Variants in DPP6 observed in about 807,000 individuals in gnomAD.
DPP6 encodes dipeptidyl peptidase like 6.
A neutral mutation model predicts 122.6 loss-of-function variants in DPP6; 69 were observed. That is an observed-to-expected ratio of 0.56 (90% CI 0.46 to 0.69). The LOEUF (loss-of-function observed/expected upper bound fraction) is 0.69. DPP6 is among the 30% of genes least tolerant of loss of function. The pLI is 0.00. For missense variants in DPP6, 928 were observed against 1,116.9 expected (o/e 0.83, Z 2.41); for synonymous variants, 418 against 433.1 (o/e 0.97, Z 0.43).
At chr7:154,013,454 TTTTC>T (rs1563100269) in intron 1 of DPP6, among the ~76,000 whole-genome samples, 1 of 136,344 alleles carries the variant, frequency 7.3e-6, no homozygotes, top group Non-Finnish European at 1.5e-5. Flanking sequence ...CTCAGGTTTC[TTTTC>T]TTTTTTTTTT....
chr7:154,540,997 C>G (rs971520478), intron 4 of DPP6, among the ~76,000 whole-genome samples: 29 of 152,200 alleles, frequency 1.9e-4, no homozygotes, highest in African/African-American at 7.0e-4. Flanking sequence ...TCTCCGCATG[C>G]ATAGGAAGTA....
chr7:154,474,272 C>A (rs1822534923), intron 2 of DPP6, among the ~76,000 whole-genome samples: 1 of 152,148 alleles, frequency 6.6e-6, no homozygotes, highest in Non-Finnish European at 1.5e-5. Context: ...AAAGTCTCAC[C>A]CACTGACGCC....
the DPP6 span, among the ~76,000 whole-genome samples, chr7:153,875,629 TATC>T: frequency 6.6e-6 from 1 of 152,076 alleles, no homozygotes; most frequent in South Asian, 2.1e-4. Flanking sequence ...TTAATATGAT[TATC>T]AATATAAGAT....
Position 154,053,047 on chromosome 7 carries a change from A to G in DPP6, c.227A>G (p.Asp76Gly), listed in dbSNP as rs572667303. ...CGGTTCCAGTACCAGGCGCGGAGCG[A>G]TGGTGACGAGGAGGACGTAAGAGCT... ...RPRFQYQARS[D>G]GDEEDELVGS... Residue 76 changes from aspartate (D) to glycine (G), a missense_variant, in exon 1 of 26, where the codon GAT becomes GGT. By Grantham distance (94) the Asp-to-Gly change is moderately conservative. Coordinates refer to ENST00000377770, the MANE Select transcript of DPP6 (RefSeq NM_130797.4). 9.5e-6 allele frequency: 10 copies of G among 1,052,346 alleles called. No homozygotes were observed. Among genetic ancestry groups the G allele is most frequent in the Non-Finnish European group, 1.1e-5 (10 of 872,694 alleles). The allele number at this position is 1,052,346 out of a possible 1,614,324, so 65.2% of individuals were successfully genotyped here. A position where few individuals can be genotyped will look rare whatever the true frequency, so the allele number is the denominator to read the frequency against.
At chr7:154,685,229 G>A (rs1470642571) in intron 7 of DPP6, among the ~76,000 whole-genome samples, 1 of 152,212 alleles carries the variant, frequency 6.6e-6, no homozygotes, top group African/African-American at 2.4e-5. Context: ...TTCCCAGTGA[G>A]GTGGCAGAGT....
chr7:154,637,795 C>T (rs1361170414), intron 5 of DPP6, 26 bp from the exon 6 acceptor site: 2 of 1,556,494 alleles, frequency 1.3e-6, no homozygotes, highest in East Asian at 4.7e-5. Flanking sequence ...TCAATGCCTA[C>T]CTTTTTTCCT....
chr7:153,820,085 A>G, the DPP6 span, among the ~76,000 whole-genome samples: 3 of 152,200 alleles, frequency 2.0e-5, no homozygotes, highest in Non-Finnish European at 4.4e-5. Context: ...AATATTTTAA[A>G]TGTTTTTAAT....
intron 3 of DPP6, among the ~76,000 whole-genome samples, chr7:154,528,795 G>A (rs912905235): frequency 1.3e-5 from 2 of 152,200 alleles, no homozygotes; most frequent in African/African-American, 4.8e-5. Flanking sequence ...ACTGTACAAG[G>A]GAGTTGGCCT....
chr7:154,609,376 T>C (rs1014561175), intron 5 of DPP6, among the ~76,000 whole-genome samples: 6 of 152,250 alleles, frequency 3.9e-5, no homozygotes, highest in African/African-American at 1.4e-4. Context: ...AGTCATCACA[T>C]CTAAGATGCA....
chr7:154,297,776 T>C (rs1198758850), intron 1 of DPP6, among the ~76,000 whole-genome samples: 3 of 152,174 alleles, frequency 2.0e-5, no homozygotes, highest in Non-Finnish European at 4.4e-5. Flanking sequence ...CACGAAGGGT[T>C]TGGTCTCATG....
the DPP6 span, among the ~76,000 whole-genome samples, chr7:153,811,008 G>A: frequency 3.3e-5 from 5 of 151,668 alleles, no homozygotes; most frequent in African/African-American, 4.9e-5. Flanking sequence ...AACACACAGC[G>A]GCAAACAGGA....
At chr7:154,036,905 C>A (rs1293062470) in intron 1 of DPP6, among the ~76,000 whole-genome samples, 3 of 152,130 alleles carry the variant, frequency 2.0e-5, no homozygotes, top group African/African-American at 7.2e-5. Context: ...ATCTACAGAC[C>A]CAGCAGGCAC....
intron 1 of DPP6, among the ~76,000 whole-genome samples, chr7:154,320,607 C>T (rs1382060956): frequency 6.6e-6 from 1 of 152,200 alleles, no homozygotes; most frequent in Non-Finnish European, 1.5e-5. Context: ...GCCTCAGCCT[C>T]CCTAGTAGCT....
intron 3 of DPP6, among the ~76,000 whole-genome samples, chr7:154,482,905 C>G (rs915438269): frequency 2.6e-5 from 4 of 152,106 alleles, no homozygotes; most frequent in Non-Finnish European, 5.9e-5. Context: ...TGGTGATTCT[C>G]TATTCTTGAC....
chr7:153,801,726 G>A, the DPP6 span, among the ~76,000 whole-genome samples: 10 of 152,146 alleles, frequency 6.6e-5, no homozygotes, highest in African/African-American at 1.2e-4. Flanking sequence ...TTTGGAGGAC[G>A]TGGAAAACCG....
chr7:154,450,042 A>C (rs1357219650), intron 2 of DPP6, among the ~76,000 whole-genome samples: 1 of 151,314 alleles, frequency 6.6e-6, no homozygotes, highest in East Asian at 1.9e-4. Flanking sequence ...ATAAATAAAT[A>C]AATAAATAAA....
chr7:154,039,285 A>G (rs1319055304), intron 1 of DPP6, among the ~76,000 whole-genome samples: 2 of 147,838 alleles, frequency 1.4e-5, no homozygotes, highest in Non-Finnish European at 2.9e-5. Flanking sequence ...ACAGGAAAAT[A>G]TGCCTTTTTG....
chr7:154,534,379 G>A (rs1388767458), intron 3 of DPP6, among the ~76,000 whole-genome samples: 1 of 152,046 alleles, frequency 6.6e-6, no homozygotes, highest in Non-Finnish European at 1.5e-5. Flanking sequence ...TAAAGGTCCT[G>A]GTTAGTGCAG....
At chr7:154,338,279 A>C (rs1177725614) in intron 1 of DPP6, among the ~76,000 whole-genome samples, 2 of 152,204 alleles carry the variant, frequency 1.3e-5, no homozygotes, top group Admixed American at 6.5e-5. Flanking sequence ...CCTCTGATAC[A>C]GTATCTGAAA....
Sources: gnomAD v4.1 joint callset for allele counts (sites outside exome capture counted in the v4.1 genomes callset) on GRCh38, gnomAD v4.1.1 for gene constraint, MANE v1.5 for transcripts, NCBI Gene and HGNC (gene_info 2026-07-23, HGNC 2026-07-21) for gene names.